CDH22: variants seen among roughly 807,000 people sequenced by gnomAD.
CDH22 encodes the protein cadherin-22.
CDH22 carries 30 observed loss-of-function variants against 58.4 expected under a neutral mutation model. That is an observed-to-expected ratio of 0.51 (90% CI 0.38 to 0.70). The LOEUF is 0.70. Ranked by LOEUF, CDH22 falls within the 30% of genes least tolerant of loss-of-function variation. The probability of loss-of-function intolerance (pLI) is 0.00; values close to 1 mark genes in which losing one functional copy is unlikely to be tolerated. For missense variants in CDH22, 1,014 were observed against 1,233.9 expected (o/e 0.82, Z 2.67); for synonymous variants, 513 against 558.2 (o/e 0.92, Z 1.14).
chr20:46,207,468 G>C (rs537105469), intron 7 of CDH22, among the ~76,000 whole-genome samples: 2 of 152,314 alleles, frequency 1.3e-5, no homozygotes, highest in South Asian at 4.1e-4. Flanking sequence ...AGAGGTGACA[G>C]TGCCCTTCCT....
chr20:46,291,802 C>G (rs777203726), intron 1 of CDH22, among the ~76,000 whole-genome samples: 4 of 152,256 alleles, frequency 2.6e-5, no homozygotes, highest in Non-Finnish European at 5.9e-5. Flanking sequence ...CACAAATGGC[C>G]TCAGACTTCA....
chr20:46,251,312 C>T lies in CDH22; in HGVS notation c.-18G>A. The T allele has an allele frequency of 7.0e-7, 1 of 1,438,684 alleles. No homozygotes were observed. Among genetic ancestry groups the T allele is most frequent in the Non-Finnish European group, 9.1e-7 (1 of 1,104,782 alleles). The allele number at this position is 1,438,684 out of a possible 1,614,324, so 89.1% of individuals were successfully genotyped here. A position where few individuals can be genotyped will look rare whatever the true frequency, so the allele number is the denominator to read the frequency against. On this transcript the variant is annotated 5_prime_UTR_variant, in exon 2 of 12. Transcript: ENST00000537909. This position sits in a 1 kb window ranked among gnomAD's most constrained non-coding sequence, Gnocchi z 6.7. ...GGCCTCATCCTTGGCCTGCGCGGGG[C>T]TGGGGCCCAGGAGCATGGACGAGAG...
Position 46,216,890 on chromosome 20 carries a change from C to T in CDH22, c.774G>A (p.Ser258=), listed in dbSNP as rs375355096. The T allele has an allele frequency of 2.7e-5, 43 of 1,610,704 alleles. No individual in the cohort carries two copies. The African/African-American group carries it at 3.2e-4, about 12-fold the overall frequency. Residue 258 remains serine, a synonymous_variant, in exon 5 of 12, where the codon TCG becomes TCA. Transcript: ENST00000537909. This position sits in a 1 kb window ranked among gnomAD's most constrained non-coding sequence, Gnocchi z 5.3. ...TDMAGQLGGL[S]GSTTVTIVVT... ...CTACGATGGTGACGGTAGTGGAGCC[C>T]GAGAGGCCACCCAGCTGACCCGCCA...
rs2086647094 is a variant in CDH22, at chr20:46,300,572, G to A, written c.-400+7683C>T. ...TCCCCTACTCTGCAAGCACTACGGT[G>A]ACAACAAAGAATATGGGGCGGGGCT... On this transcript the variant is annotated intron_variant, in intron 1 of 11. Coordinates refer to ENST00000537909, the MANE Select transcript of CDH22 (RefSeq NM_021248.3). The surrounding 1 kb of genome is among the most constrained non-coding windows in gnomAD (Gnocchi z 4.4). Among the ~76,000 whole-genome samples the A allele has an allele frequency of 6.6e-6, 1 of 152,218 alleles. No homozygotes were observed.
intron 4 of CDH22, 40 bp downstream of exon 4, chr20:46,227,464 GCCCC>G: frequency 1.0e-5 from 14 of 1,351,012 alleles, no homozygotes; most frequent in Non-Finnish European, 1.2e-5. Flanking sequence ...CCCGCCCCTG[GCCCC>G]GCCCCACGGC....
chr20:46,263,431 T>TGTGTGTGC (rs2086443842), intron 1 of CDH22, among the ~76,000 whole-genome samples: 1 of 144,244 alleles, frequency 6.9e-6, no homozygotes, highest in East Asian at 2.1e-4. Context: ...TGTGTGTGCG[T>TGTGTGTGC]GTGTGTGCAT....
Position 46,306,580 on chromosome 20 carries a change from C to T in CDH22, c.-400+1675G>A, listed in dbSNP as rs540656023. Among the ~76,000 whole-genome samples the T allele has an allele frequency of 9.2e-5, 14 of 152,342 alleles. No individual in the cohort carries two copies. In the South Asian group the frequency reaches 2.9e-3, roughly 32 times the overall value. ...GCAGTGTTTAAATGTTGGCAATGCC[C>T]TTCCCTTCCAGGAGGAATGGAAGAG... is the stretch of plus-strand genomic sequence containing the variant. On this transcript the variant is annotated intron_variant, in intron 1 of 11. Transcript: ENST00000537909.
chr20:46,301,286 A>G (rs2086650366), intron 1 of CDH22, among the ~76,000 whole-genome samples: 1 of 152,082 alleles, frequency 6.6e-6, no homozygotes, highest in Non-Finnish European at 1.5e-5. Context: ...TGCAGTGTTA[A>G]GCGCTTTGTC....
At chr20:46,271,466 C>T (rs1223944723) in intron 1 of CDH22, among the ~76,000 whole-genome samples, 1 of 152,116 alleles carries the variant, frequency 6.6e-6, no homozygotes, top group African/African-American at 2.4e-5. Flanking sequence ...ACATACCTCC[C>T]TATACTCCCC....
At chr20:46,303,866 C>T (rs2145788127) in intron 1 of CDH22, among the ~76,000 whole-genome samples, 1 of 152,266 alleles carries the variant, frequency 6.6e-6, no homozygotes, top group East Asian at 1.9e-4. Context: ...CACGATCCCA[C>T]CTGCGTTAGA....
chr20:46,223,581 C>T (rs1250861466), intron 4 of CDH22, among the ~76,000 whole-genome samples: 1 of 152,142 alleles, frequency 6.6e-6, no homozygotes, highest in Admixed American at 6.5e-5. Flanking sequence ...CCCAAGGTCA[C>T]TTCCCCAGAA....
At chr20:46,248,373 C>T (rs1400561226) in intron 2 of CDH22, among the ~76,000 whole-genome samples, 1 of 152,208 alleles carries the variant, frequency 6.6e-6, no homozygotes, top group Non-Finnish European at 1.5e-5. Flanking sequence ...CTGGGATGAC[C>T]ACCTCCTCTG....
chr20:46,231,435 A>G (rs1203344053), intron 3 of CDH22, among the ~76,000 whole-genome samples: 1 of 152,178 alleles, frequency 6.6e-6, no homozygotes, highest in East Asian at 1.9e-4. Context: ...AGGTATTTTC[A>G]CAGTCTCCAG....
intron 2 of CDH22, among the ~76,000 whole-genome samples, chr20:46,247,791 T>C (rs1368712443): frequency 1.3e-5 from 2 of 152,186 alleles, no homozygotes; most frequent in African/African-American, 4.8e-5. Flanking sequence ...AAAGTGTACA[T>C]TGGGCAAATA....
chr20:46,216,543 C>T lies in CDH22; in HGVS notation c.838+283G>A, dbSNP rs888930309. Reference sequence around the variant, plus strand: ...TGGACGGAAGGGTGGATGGGTGGGGCTCCCCCTCTGCCGGAAGCAAGAGGA... The same window carrying T: ...TGGACGGAAGGGTGGATGGGTGGGGTTCCCCCTCTGCCGGAAGCAAGAGGA... On this transcript the variant is annotated intron_variant, in intron 5 of 11. Transcript: ENST00000537909. This position sits in a 1 kb window ranked among gnomAD's most constrained non-coding sequence, Gnocchi z 5.3. Among the ~76,000 whole-genome samples, 1 of 152,120 alleles carries T rather than the reference C, an allele frequency of 6.6e-6. No individual in the cohort carries two copies.
At chr20:46,280,452 C>G (rs2086545270) in intron 1 of CDH22, among the ~76,000 whole-genome samples, 2 of 152,180 alleles carry the variant, frequency 1.3e-5, no homozygotes, top group Non-Finnish European at 2.9e-5. Flanking sequence ...TTTTAAACTG[C>G]CTGCTGGCCG....
At chr20:46,223,697 C>CTTTCTT (rs1555803333) in intron 4 of CDH22, among the ~76,000 whole-genome samples, 10 of 67,116 alleles carry the variant, frequency 1.5e-4, no homozygotes, top group East Asian at 1.0e-3. Flanking sequence ...TTCTTTCTTT[C>CTTTCTT]TTTCTTTCTT....
chr20:46,275,307 G>C (rs1014225088), intron 1 of CDH22, among the ~76,000 whole-genome samples: 1 of 151,958 alleles, frequency 6.6e-6, no homozygotes, highest in Admixed American at 6.5e-5. Flanking sequence ...GTAGCTGTTC[G>C]CCAAGTCTGG....
chr20:46,237,563 GC>G (rs1283503292), intron 3 of CDH22, among the ~76,000 whole-genome samples: 1 of 152,130 alleles, frequency 6.6e-6, no homozygotes. Context: ...TCAAATAGTT[GC>G]TCAAATGAAA....
Sources: gnomAD v4.1 joint callset for allele counts (sites outside exome capture counted in the v4.1 genomes callset) on GRCh38, gnomAD v4.1.1 for gene constraint, Gnocchi (gnomAD v3.1) non-coding constraint, MANE v1.5 for transcripts, NCBI Gene and HGNC (gene_info 2026-07-23, HGNC 2026-07-21) for gene names.